The following ESR1 variants were observed in gnomAD, a reference collection of about 807,000 sequenced individuals.
ESR1 encodes estrogen receptor.
Under a neutral mutation model 52.7 loss-of-function variants are expected in ESR1, and 12 were observed. The ratio of observed to expected loss-of-function variants is 0.23; its 90% CI spans 0.15 to 0.37. The LOEUF (loss-of-function observed/expected upper bound fraction) is 0.37, where lower values mean the gene tolerates loss of function less well. Among genes scored for constraint, ESR1 ranks in the 10% least tolerant of loss-of-function variants. The pLI is 1.00. For missense variants in ESR1, 584 were observed against 779.7 expected, an observed-to-expected ratio of 0.75 and a Z score of 2.99; for synonymous variants, 305 against 316.8, an observed-to-expected ratio of 0.96 and a Z score of 0.39.
intron 2 of ESR1, among the ~76,000 whole-genome samples, chr6:151,741,708 C>T (rs780055804): frequency 3.3e-5 from 5 of 151,918 alleles, no homozygotes; most frequent in African/African-American, 7.3e-5. Flanking sequence ...TACAACATGA[C>T]GTGATGAGAT....
chr6:152,011,383 A>G lies in ESR1; in HGVS notation c.1097-273A>G, dbSNP rs9340971. On this transcript the variant is annotated intron_variant, in intron 4 of 7. Coordinates refer to ENST00000206249, the MANE Select transcript of ESR1 (RefSeq NM_000125.4). ...CACACAAGTTTTCACACTGAGTATA[A>G]CACTTTATAGAAAGCTAAGTGTGTT... Among the ~76,000 whole-genome samples the G allele has an allele frequency of 0.038, 5,713 of 152,222 alleles. 290 individuals carry two copies. The highest frequency in any genetic ancestry group is 0.11 in the African/African-American group (4,762 of 41,524).
At chr6:151,786,841 G>T (rs1787077516) in intron 2 of ESR1, among the ~76,000 whole-genome samples, 1 of 152,084 alleles carries the variant, frequency 6.6e-6, no homozygotes, top group African/African-American at 2.4e-5. Context: ...ATGGGGTCTT[G>T]CTCTGTCACC....
At chr6:151,720,582 T>C (rs1781382741) in intron 2 of ESR1, among the ~76,000 whole-genome samples, 1 of 152,208 alleles carries the variant, frequency 6.6e-6, no homozygotes, top group African/African-American at 2.4e-5. Flanking sequence ...AAAACCTTTA[T>C]TAACTTATTT....
chr6:151,692,516 TA>T (rs894075679), intron 1 of ESR1, among the ~76,000 whole-genome samples: 108 of 148,068 alleles, frequency 7.3e-4, no homozygotes, highest in African/African-American at 9.1e-4. Flanking sequence ...ATCCACACTG[TA>T]AAAAAAAAAG....
intron 1 of ESR1, among the ~76,000 whole-genome samples, chr6:151,821,513 GT>G (rs1780551548): frequency 6.6e-6 from 1 of 152,030 alleles, no homozygotes; most frequent in African/African-American, 2.4e-5. Flanking sequence ...AGATTCCCTT[GT>G]TTTTCTTCTT....
At chr6:152,044,610 C>A (rs567042153) in intron 5 of ESR1, among the ~76,000 whole-genome samples, 3 of 152,314 alleles carry the variant, frequency 2.0e-5, no homozygotes, top group Admixed American at 1.3e-4. Flanking sequence ...GGGCCCCTGG[C>A]AAACCACTGG....
intron 1 of ESR1, among the ~76,000 whole-genome samples, chr6:151,700,548 A>G (rs1293033543): frequency 1.3e-5 from 2 of 152,056 alleles, no homozygotes; most frequent in Non-Finnish European, 2.9e-5. Context: ...ACCATAAACT[A>G]CTTACTTTGA....
At chr6:152,076,512 A>C (rs577591414) in intron 6 of ESR1, among the ~76,000 whole-genome samples, 2 of 152,208 alleles carry the variant, frequency 1.3e-5, no homozygotes, top group Non-Finnish European at 2.9e-5. Context: ...TGTGGAAGCA[A>C]TCTTGGAACT....
Position 152,128,179 on chromosome 6 carries a change from C to T in ESR1, c.*2831C>T, listed in dbSNP as rs569335578. The T allele has an allele frequency of 3.3e-5, 5 of 152,228 alleles. 1 individual carries two copies. The East Asian group carries it at 5.8e-4, about 18-fold the overall frequency. The allele number at this position is 152,228 out of a possible 1,614,324, so 9.4% of individuals were successfully genotyped here. ...TAAGGTTAGAAAATTTTAAGTCAAA[C>T]GTAGGGAAAAAGTACCAGCTAGACC... On this transcript the variant is annotated 3_prime_UTR_variant, in exon 7 of 7. Coordinates refer to the ESR1 transcript ENST00000427531.
chr6:152,053,616 CTT>C lies in ESR1; in HGVS notation c.1236-7373_1236-7372del, dbSNP rs900222043. 6.6e-6 allele frequency among the ~76,000 whole-genome samples: 1 copy of C among 150,966 alleles called. No individual in the cohort carries two copies. Among genetic ancestry groups the C allele is most frequent in the Admixed American group, 6.6e-5 (1 of 15,168 alleles). Reference sequence around the variant, plus strand: ...TCAATCTGTTTCTCTGTTAATCTCTCTTTCTCTCTCCTTCTTTCTGTCTCTGT... The same window carrying C: ...TCAATCTGTTTCTCTGTTAATCTCTCTCTCTCTCCTTCTTTCTGTCTCTGT... On this transcript the variant is annotated intron_variant, in intron 5 of 7. Coordinates refer to ENST00000206249, the MANE Select transcript of ESR1 (RefSeq NM_000125.4). The surrounding 1 kb of genome is among the most constrained non-coding windows in gnomAD (Gnocchi z 4.1).
At chr6:152,103,657 C>T (rs1360366614), downstream of ESR1, among the ~76,000 whole-genome samples, 1 of 152,124 alleles carries the variant, frequency 6.6e-6, no homozygotes, top group African/African-American at 2.4e-5. Context: ...AAATCCTTCC[C>T]TGTGAGGGAG....
At chr6:151,675,036 A>G (rs549851599) in intron 1 of ESR1, among the ~76,000 whole-genome samples, 10 of 152,362 alleles carry the variant, frequency 6.6e-5, no homozygotes, top group African/African-American at 2.4e-4. Flanking sequence ...TCTCACTCCT[A>G]GGCCATTTAA....
intron 6 of ESR1, among the ~76,000 whole-genome samples, chr6:152,087,867 G>T (rs911317933): frequency 6.6e-6 from 1 of 152,146 alleles, no homozygotes; most frequent in African/African-American, 2.4e-5. Context: ...TGATATCAGG[G>T]CTCCACCCTC....
intron 4 of ESR1, among the ~76,000 whole-genome samples, chr6:151,998,632 T>A (rs2041695863): frequency 6.6e-6 from 1 of 152,086 alleles, no homozygotes; most frequent in African/African-American, 2.4e-5. Flanking sequence ...CCTGAAAGCA[T>A]GTTATTAATC....
At chr6:151,693,641 G>A (rs1779107715) in intron 1 of ESR1, among the ~76,000 whole-genome samples, 1 of 151,746 alleles carries the variant, frequency 6.6e-6, no homozygotes, top group East Asian at 1.9e-4. Context: ...TTTTTGAGAT[G>A]GAGTCTCGCT....
At chr6:151,898,773 A>G (rs1427302938) in intron 3 of ESR1, among the ~76,000 whole-genome samples, 1 of 152,166 alleles carries the variant, frequency 6.6e-6, no homozygotes, top group African/African-American at 2.4e-5. Flanking sequence ...GTACAGAACA[A>G]AATGAAAAGT....
At chr6:151,825,894 G>A (rs1243695031) in intron 1 of ESR1, among the ~76,000 whole-genome samples, 1 of 131,996 alleles carries the variant, frequency 7.6e-6, no homozygotes. Context: ...CTGGGTGGCA[G>A]AGCAAGACTC....
intron 3 of ESR1, among the ~76,000 whole-genome samples, chr6:151,935,934 T>C (rs921799882): frequency 2.0e-5 from 3 of 152,190 alleles, no homozygotes; most frequent in African/African-American, 7.2e-5. Context: ...ATCCTAGAGA[T>C]CAGTCACATC....
chr6:151,852,499 C>T (rs1786953140), intron 2 of ESR1, among the ~76,000 whole-genome samples: 1 of 152,046 alleles, frequency 6.6e-6, no homozygotes, highest in Non-Finnish European at 1.5e-5. Context: ...TAAATTAGTC[C>T]TACAGGGCCA....
Sources: gnomAD v4.1 joint callset for allele counts (sites outside exome capture counted in the v4.1 genomes callset) on GRCh38, gnomAD v4.1.1 for gene constraint, Gnocchi (gnomAD v3.1) non-coding constraint, MANE v1.5 for transcripts, NCBI Gene and HGNC (gene_info 2026-07-23, HGNC 2026-07-21) for gene names.